SBF2: variants seen among roughly 807,000 people sequenced by gnomAD.
SBF2 encodes the protein SET binding factor 2, also known as myotubularin-related protein 13.
Under a neutral mutation model 225.2 loss-of-function variants are expected in SBF2, and 112 were observed. That is an observed-to-expected ratio of 0.50 (90% confidence interval 0.43 to 0.58). The LOEUF (loss-of-function observed/expected upper bound fraction) is 0.58. Among genes scored for constraint, SBF2 ranks in the 20% least tolerant of loss-of-function variants. The pLI is 0.00. For missense variants in SBF2, 1,996 were observed against 2,206.2 expected, an observed-to-expected ratio of 0.90 and a Z score of 1.91; for synonymous variants, 763 against 773.3, an observed-to-expected ratio of 0.99 and a Z score of 0.22.
chr11:10,164,164 C>A (rs2135220651), intron 2 of SBF2, among the ~76,000 whole-genome samples: 1 of 152,308 alleles, frequency 6.6e-6, no homozygotes, highest in Non-Finnish European at 1.5e-5. Context: ...CTTGGATATT[C>A]CACAGTCAAA....
chr11:9,812,408 A>G, intron 30 of SBF2, 124 bp downstream of exon 30: 1 of 1,012,870 alleles, frequency 9.9e-7, no homozygotes, highest in Non-Finnish European at 1.5e-6. Flanking sequence ...ATGGCACACA[A>G]TGAAGGAGGA....
chr11:10,196,786 A>G lies in SBF2; in HGVS notation c.56-2799T>C, dbSNP rs545335226. ...CACCCATAATCCCACACCTGGAGAC[A>G]ATTATTATTAACATTTTGGACTATC... On this transcript the variant is annotated intron_variant, in intron 1 of 39. Coordinates refer to ENST00000256190, the MANE Select transcript of SBF2 (RefSeq NM_030962.4). Among the ~76,000 whole-genome samples, 17 of 148,246 alleles carry G rather than the reference A, an allele frequency of 1.1e-4. No individual in the cohort carries two copies. The South Asian group carries it at 3.6e-3, about 32-fold the overall frequency.
intron 2 of SBF2, among the ~76,000 whole-genome samples, chr11:10,177,702 T>G (rs1164128006): frequency 2.0e-5 from 3 of 151,746 alleles, no homozygotes; most frequent in Non-Finnish European, 2.9e-5. Context: ...AGGATACAAA[T>G]AAATGGAAGA....
chr11:10,157,528 G>T (rs1955535478), intron 2 of SBF2, among the ~76,000 whole-genome samples: 1 of 152,092 alleles, frequency 6.6e-6, no homozygotes, highest in Admixed American at 6.5e-5. Context: ...ATCCAACAAG[G>T]TCTAATATTC....
At chr11:10,041,453 G>A (rs1949655363) in intron 3 of SBF2, among the ~76,000 whole-genome samples, 1 of 152,102 alleles carries the variant, frequency 6.6e-6, no homozygotes, top group Non-Finnish European at 1.5e-5. Context: ...TCAAATATCG[G>A]TTTGATTCCA....
At chr11:10,139,696 A>G (rs904006536) in intron 2 of SBF2, among the ~76,000 whole-genome samples, 1 of 152,222 alleles carries the variant, frequency 6.6e-6, no homozygotes, top group African/African-American at 2.4e-5. Flanking sequence ...TTTGTTCAAT[A>G]AAAAGGATGG....
At chr11:9,795,755 G>C (rs1853083667) in intron 33 of SBF2, 76 bp downstream of exon 33, 4 of 1,525,226 alleles carry the variant, frequency 2.6e-6, no homozygotes, top group Middle Eastern at 2.3e-4. Context: ...CTTGGGGATA[G>C]TTACATTATT....
In SBF2 at chr11:9,974,620, T is replaced by A. The variant is rs537687730; in HGVS notation, c.1396-6075A>T. Among the ~76,000 whole-genome samples, 5 of 143,106 alleles carry A rather than the reference T, an allele frequency of 3.5e-5. No homozygotes were observed. The East Asian group carries it at 1.0e-3, about 29-fold the overall frequency. 93.9% of individuals were successfully genotyped at this position (143,106 alleles called of 152,430 possible). A position where few individuals can be genotyped will look rare whatever the true frequency, so the allele number is the denominator to read the frequency against. On this transcript the variant is annotated intron_variant, in intron 13 of 39. Transcript: ENST00000256190. ...CAATGAGATACCACCACATACCTGT[T>A]GGAAAGGCTAAAACAAGACACCCCC...
At chr11:10,002,230 T>C (rs553465785) in intron 7 of SBF2, among the ~76,000 whole-genome samples, 28 of 152,318 alleles carry the variant, frequency 1.8e-4, no homozygotes, top group African/African-American at 6.3e-4. Context: ...TTTTTATTAA[T>C]AGAATCTCTA....
intron 19 of SBF2, among the ~76,000 whole-genome samples, chr11:9,855,291 A>G (rs191140583): frequency 3.9e-5 from 6 of 152,332 alleles, no homozygotes; most frequent in Admixed American, 3.9e-4. Flanking sequence ...CTAGCCTGGA[A>G]GACCAGAAAC....
intron 16 of SBF2, among the ~76,000 whole-genome samples, chr11:9,940,437 C>T (rs1292019212): frequency 1.3e-5 from 2 of 152,020 alleles, no homozygotes; most frequent in African/African-American, 4.8e-5. Context: ...ACATACTATG[C>T]TAAAAGATAG....
chr11:9,850,078 G>A lies in SBF2; in HGVS notation c.2751C>T (p.Ala917=). The A allele has an allele frequency of 6.2e-7, 1 of 1,614,122 alleles. No individual in the cohort carries two copies. ...GGPQLLPAEG[A]LFLTTYRILF... is the part of the protein sequence containing the mutation. ...GAATTCTGTATGTGGTGAGGAACAA[G>A]GCTCCTTCTGCTGGCAGGAGCTGAG... The change falls in exon 22 of 40, where the codon GCC becomes GCT. Residue 917 remains alanine, a synonymous_variant. Coordinates refer to ENST00000256190, the MANE Select transcript of SBF2 (RefSeq NM_030962.4).
chr11:9,841,593 T>A (rs1856153693), intron 25 of SBF2, among the ~76,000 whole-genome samples: 1 of 151,414 alleles, frequency 6.6e-6, no homozygotes. Context: ...AGTGCAGTGG[T>A]GCAATCTCGG....
At chr11:9,802,211 T>G (rs990001319) in intron 32 of SBF2, among the ~76,000 whole-genome samples, 2 of 152,256 alleles carry the variant, frequency 1.3e-5, no homozygotes, top group Non-Finnish European at 2.9e-5. Context: ...GGATTTTTTT[T>G]AATTTGGCTC....
At chr11:10,078,111 T>C (rs916731796) in intron 2 of SBF2, among the ~76,000 whole-genome samples, 2 of 152,200 alleles carry the variant, frequency 1.3e-5, no homozygotes, top group Non-Finnish European at 2.9e-5. Flanking sequence ...CCATTTAGAA[T>C]GGCGATCATT....
chr11:9,874,840 A>G (rs552601466), intron 17 of SBF2, among the ~76,000 whole-genome samples: 3 of 152,350 alleles, frequency 2.0e-5, no homozygotes, highest in African/African-American at 2.4e-5. Context: ...ACTTGCATGT[A>G]CATCTGCTAA....
At chr11:10,006,985 A>T (rs56679714) in intron 6 of SBF2, among the ~76,000 whole-genome samples, 4,827 of 152,324 alleles carry the variant, frequency 0.032, 195 homozygotes, top group African/African-American at 0.097. Flanking sequence ...GGCCGTCGGC[A>T]CAAGAGACCC....
chr11:9,785,130 T>G lies in SBF2; in HGVS notation c.5226A>C (p.Glu1742Asp). The change falls in exon 37 of 40, where the codon GAA (glutamate) becomes GAC (aspartate). Residue 1742 changes from glutamate to aspartate, a missense_variant. Physicochemically the swap from Glu to Asp is conservative, Grantham distance 45 (BLOSUM62 2). Coordinates refer to ENST00000256190, the MANE Select transcript of SBF2 (RefSeq NM_030962.4). The stretch of plus-strand genomic sequence containing the variant: ...AGCAGGGTTCAGCATGTCACCTGTT[T>G]TCATCATTCTTGGATGTATACTGGC... ...LYSQYTSKND[E>D]NRSFEGTLYK... 1 of 1,612,652 alleles carries G rather than the reference T, an allele frequency of 6.2e-7. No homozygotes were observed. Among genetic ancestry groups the G allele is most frequent in the Non-Finnish European group, 8.5e-7 (1 of 1,180,004 alleles).
rs1258069752 is a variant in SBF2 at position 9,803,229 on chromosome 11, AAC to A, written c.4443+4769_4443+4770del. 1.4e-4 allele frequency among the ~76,000 whole-genome samples: 21 copies of A among 152,216 alleles called. 1 individual carries two copies. The highest frequency in any genetic ancestry group is 7.9e-4 in the Admixed American group (12 of 15,284). On this transcript the variant is annotated intron_variant, in intron 32 of 39. Transcript: ENST00000256190. ...TTTTAACTCTTTACTTGAAAAAAAA[AAC>A]AGATGAATCTTAAATTCAGCTGATT...
Sources: gnomAD v4.1 joint callset for allele counts (sites outside exome capture counted in the v4.1 genomes callset) on GRCh38, gnomAD v4.1.1 for gene constraint, MANE v1.5 for transcripts, NCBI Gene and HGNC (gene_info 2026-07-23, HGNC 2026-07-21) for gene names.